Variants in NHSL3 observed in about 807,000 individuals in gnomAD.
The protein encoded by NHSL3 is NHS-like protein 3.
chr1:32,749,047 G>A, the NHSL3 span, among the ~76,000 whole-genome samples: 1 of 152,186 alleles, frequency 6.6e-6, no homozygotes, highest in South Asian at 2.1e-4. Flanking sequence ...TGAACCTCAC[G>A]ATGAGTGTGT....
chr1:32,761,411 G>A, the NHSL3 span, among the ~76,000 whole-genome samples: 2 of 152,122 alleles, frequency 1.3e-5, no homozygotes, highest in African/African-American at 2.4e-5. Flanking sequence ...TAAGCCCTTG[G>A]ATCTCTGGGA....
At chr1:32,746,450 G>C in the NHSL3 span, among the ~76,000 whole-genome samples, 3 of 152,122 alleles carry the variant, frequency 2.0e-5, no homozygotes, top group Non-Finnish European at 4.4e-5. Flanking sequence ...TAATCTGAAT[G>C]GGAAGAGAAG....
the NHSL3 span, chr1:32,771,140 T>C: frequency 6.2e-7 from 1 of 1,612,492 alleles, no homozygotes; most frequent in Non-Finnish European, 8.5e-7. Flanking sequence ...TTGACCCCCC[T>C]GGGTGACAGG....
At chr1:32,771,059 C>T in the NHSL3 span, 2 of 1,613,604 alleles carry the variant, frequency 1.2e-6, no homozygotes, top group South Asian at 2.2e-5. Flanking sequence ...GCCTCCGTCT[C>T]CTCTTCCCTC....
At chr1:32,769,606 T>C in the NHSL3 span, 1 of 1,194,726 alleles carries the variant, frequency 8.4e-7, no homozygotes, top group South Asian at 1.3e-5. Context: ...ATTACAAAAG[T>C]AGTGCCCTGC....
the NHSL3 span, among the ~76,000 whole-genome samples, chr1:32,747,865 C>T: frequency 6.6e-6 from 1 of 152,080 alleles, no homozygotes; most frequent in Non-Finnish European, 1.5e-5. Context: ...CCAGTGCTTT[C>T]GGGGGCCAAG....
At chr1:32,767,393 G>A in the NHSL3 span, among the ~76,000 whole-genome samples, 13 of 152,166 alleles carry the variant, frequency 8.5e-5, no homozygotes, top group South Asian at 1.9e-3. Flanking sequence ...TTTACGTGCG[G>A]GCTGGGTGTG....
At chr1:32,769,724 G>T in the NHSL3 span, 1 of 1,614,064 alleles carries the variant, frequency 6.2e-7, no homozygotes, top group Non-Finnish European at 8.5e-7. Flanking sequence ...AAGTCAGGGC[G>T]GCGTCGGCGG....
chr1:32,760,866 G>A, the NHSL3 span, among the ~76,000 whole-genome samples: 2 of 152,130 alleles, frequency 1.3e-5, no homozygotes, highest in East Asian at 1.9e-4. Context: ...TGGGATTACC[G>A]GTGTGAGCCA....
chr1:32,768,862 C>T, the NHSL3 span: 4 of 1,480,492 alleles, frequency 2.7e-6, no homozygotes, highest in African/African-American at 4.2e-5. Context: ...CAGTGTTTCA[C>T]CAGGCTCTCT....
the NHSL3 span, among the ~76,000 whole-genome samples, chr1:32,752,956 TATATATATATA>T: frequency 1.7e-3 from 7 of 4,092 alleles, no homozygotes; most frequent in East Asian, 0.019. Flanking sequence ...CACACATATA[TATATATATATA>T]TTTTGGTTTT....
the NHSL3 span, among the ~76,000 whole-genome samples, chr1:32,747,964 C>T: frequency 6.6e-6 from 1 of 152,120 alleles, no homozygotes; most frequent in African/African-American, 2.4e-5. Context: ...CAAAAATTAG[C>T]TGGGCATGGT....
chr1:32,754,195 G>T, the NHSL3 span: 1 of 709,904 alleles, frequency 1.4e-6, no homozygotes, highest in Non-Finnish European at 2.6e-6. Context: ...GGGCCGGGGT[G>T]GGGGCGGGGC....
At chr1:32,768,975 G>A in the NHSL3 span, 2 of 640,638 alleles carry the variant, frequency 3.1e-6, no homozygotes, top group South Asian at 2.5e-5. Flanking sequence ...TGGCGGCCGG[G>A]TGCGGTGGCT....
chr1:32,770,050 A>ATGC, the NHSL3 span: 1 of 1,573,304 alleles, frequency 6.4e-7, no homozygotes, highest in Admixed American at 1.8e-5. This position sits in a 1 kb window ranked among gnomAD's most constrained non-coding sequence, Gnocchi z 8.3. Flanking sequence ...GACAGAGGCC[A>ATGC]TGCTGCAGCG....
At chr1:32,750,204 A>G in the NHSL3 span, among the ~76,000 whole-genome samples, 5 of 152,044 alleles carry the variant, frequency 3.3e-5, no homozygotes, top group Admixed American at 6.5e-5. Context: ...GGAGGAGTGA[A>G]ATCTCTGTCC....
chr1:32,772,493 G>T, the NHSL3 span: 1 of 1,504,072 alleles, frequency 6.6e-7, no homozygotes, highest in South Asian at 1.4e-5. Context: ...TGGGAAGTAG[G>T]AATCTGAAGT....
At chr1:32,768,931 A>G in the NHSL3 span, 1 of 958,016 alleles carries the variant, frequency 1.0e-6, no homozygotes. Context: ...CGTGATACAC[A>G]CTAACTATAA....
At chr1:32,746,352 A>T in the NHSL3 span, among the ~76,000 whole-genome samples, 6 of 152,166 alleles carry the variant, frequency 3.9e-5, no homozygotes, top group Non-Finnish European at 8.8e-5. Context: ...TGTTTCTGGG[A>T]CAGATGCCAG....
Sources: gnomAD v4.1 joint callset for allele counts (sites outside exome capture counted in the v4.1 genomes callset) on GRCh38, gnomAD v4.1.1 for gene constraint, Gnocchi (gnomAD v3.1) non-coding constraint, MANE v1.5 for transcripts, NCBI Gene and HGNC (gene_info 2026-07-23, HGNC 2026-07-21) for gene names.